Variants in MGAT4C observed in about 807,000 individuals in gnomAD.
The protein encoded by MGAT4C is MGAT4 family member C.
Under a neutral mutation model 40.1 loss-of-function variants are expected in MGAT4C, and 19 were observed. The ratio of observed to expected loss-of-function variants is 0.47; its 90% confidence interval spans 0.33 to 0.70. The LOEUF is 0.70. Among genes scored for constraint, MGAT4C ranks in the 30% least tolerant of loss-of-function variants. The probability of loss-of-function intolerance (pLI) is 0.02; values close to 1 mark genes in which losing one functional copy is unlikely to be tolerated. For missense variants in MGAT4C, 491 were observed against 563.2 expected, an observed-to-expected ratio of 0.87 and a Z score of 1.30; for synonymous variants, 181 against 187.1, an observed-to-expected ratio of 0.97 and a Z score of 0.27.
chr12:86,728,051 T>A (rs1271183839), intron 1 of MGAT4C, among the ~76,000 whole-genome samples: 1 of 152,204 alleles, frequency 6.6e-6, no homozygotes, highest in African/African-American at 2.4e-5. Flanking sequence ...TATTGATAAA[T>A]AAGTTTTATT....
Position 86,327,683 on chromosome 12 carries a change from T to A in MGAT4C, c.-57+6382A>T, listed in dbSNP as rs139173508. On this transcript the variant is annotated intron_variant, in intron 4 of 7. Transcript: ENST00000548651. ...TAATATATTTAAAGATACACAATGA[T>A]ATTGTTACCAAGAAGGAAATTCCAC... Among the ~76,000 whole-genome samples the A allele has an allele frequency of 5.3e-4, 80 of 152,224 alleles. No individual in the cohort carries two copies. In the East Asian group the frequency reaches 8.3e-3, roughly 16 times the overall value.
intron 1 of MGAT4C, among the ~76,000 whole-genome samples, chr12:86,135,815 G>T (rs187495992): frequency 3.3e-4 from 51 of 152,282 alleles, no homozygotes; most frequent in African/African-American, 1.2e-3. Flanking sequence ...ATGTTTTTCA[G>T]ATTAAGGTGA....
chr12:86,318,918 C>T (rs1954308965), intron 4 of MGAT4C, among the ~76,000 whole-genome samples: 1 of 152,096 alleles, frequency 6.6e-6, no homozygotes, highest in Admixed American at 6.6e-5. Flanking sequence ...GGTCTTATAC[C>T]TCAGTCATTA....
At chr12:86,731,342 A>G (rs181893872) in intron 1 of MGAT4C, among the ~76,000 whole-genome samples, 1 of 152,140 alleles carries the variant, frequency 6.6e-6, no homozygotes, top group East Asian at 1.9e-4. Flanking sequence ...AGCTTCTCTT[A>G]CTTCTTTCAC....
intron 1 of MGAT4C, among the ~76,000 whole-genome samples, chr12:86,081,810 C>T (rs953523994): frequency 3.3e-5 from 5 of 152,096 alleles, no homozygotes; most frequent in Admixed American, 1.3e-4. Context: ...AATATCCCCC[C>T]GTTGTCCTAA....
chr12:86,339,097 T>C (rs969722680), intron 3 of MGAT4C, among the ~76,000 whole-genome samples: 7 of 151,976 alleles, frequency 4.6e-5, no homozygotes, highest in African/African-American at 1.7e-4. Context: ...CCCTATGAAG[T>C]TGGTATTATT....
At chr12:86,452,153 C>T (rs1199015674) in intron 2 of MGAT4C, among the ~76,000 whole-genome samples, 1 of 151,684 alleles carries the variant, frequency 6.6e-6, no homozygotes, top group Non-Finnish European at 1.5e-5. Flanking sequence ...CTGGCATCCC[C>T]ACTGAAAGTG....
intron 3 of MGAT4C, among the ~76,000 whole-genome samples, chr12:86,403,579 A>G (rs1226067769): frequency 6.6e-6 from 1 of 152,182 alleles, no homozygotes; most frequent in Non-Finnish European, 1.5e-5. Context: ...TTACATTTAA[A>G]TTATATGCCT....
At chr12:86,220,001 T>C (rs560465219) in intron 1 of MGAT4C, among the ~76,000 whole-genome samples, 1 of 151,968 alleles carries the variant, frequency 6.6e-6, no homozygotes, top group Admixed American at 6.5e-5. Context: ...AGAGATTGGG[T>C]TTTTGGAATT....
At chr12:86,748,728 G>T (rs1165625286) in intron 1 of MGAT4C, among the ~76,000 whole-genome samples, 1 of 151,496 alleles carries the variant, frequency 6.6e-6, no homozygotes, top group Non-Finnish European at 1.5e-5. Flanking sequence ...TATAAGATGT[G>T]AATTTGACTA....
In MGAT4C at chr12:86,418,823, ATAAC is replaced by A. The variant is rs1387727281; in HGVS notation, c.-120+16330_-120+16333del. Among the ~76,000 whole-genome samples the A allele has an allele frequency of 7.9e-5, 12 of 152,200 alleles. No individual in the cohort carries two copies. In the East Asian group the frequency reaches 2.1e-3, roughly 27 times the overall value. ...AAAGAGTATTAAAGAAATTGCAAAT[ATAAC>A]TAGCTAGGGAAGGAAAGAAAATTGA... On this transcript the variant is annotated intron_variant, in intron 3 of 7. Coordinates refer to the MGAT4C transcript ENST00000548651.
Position 86,336,870 on chromosome 12 carries a change from T to G in MGAT4C, c.-119-2743A>C, listed in dbSNP as rs188692394. On this transcript the variant is annotated intron_variant, in intron 3 of 7. Coordinates refer to the MGAT4C transcript ENST00000548651. ...GTATGCGAGTTCACTTTTATTTTAA[T>G]CAATAGATTAATGAGCAAGACAATA... Among the ~76,000 whole-genome samples, 8 of 152,286 alleles carry G rather than the reference T, an allele frequency of 5.3e-5. No individual in the cohort carries two copies. In the East Asian group the frequency reaches 1.5e-3, roughly 29 times the overall value.
At chr12:86,393,772 G>T (rs963661249) in intron 3 of MGAT4C, among the ~76,000 whole-genome samples, 1 of 110,250 alleles carries the variant, frequency 9.1e-6, no homozygotes, top group African/African-American at 2.9e-5. Flanking sequence ...GTCTTTCATG[G>T]TGATTAGCCA....
At chr12:86,601,361 C>T (rs998785753) in intron 2 of MGAT4C, 1 of 152,146 alleles carries the variant, frequency 6.6e-6, no homozygotes, top group African/African-American at 2.4e-5. Context: ...CCCATGGCCA[C>T]CTGTAACCAA....
chr12:86,094,484 T>G (rs1873525020), intron 1 of MGAT4C, among the ~76,000 whole-genome samples: 1 of 152,120 alleles, frequency 6.6e-6, no homozygotes, highest in Admixed American at 6.6e-5. Flanking sequence ...TACATATGCC[T>G]TATACACTGC....
intron 2 of MGAT4C, among the ~76,000 whole-genome samples, chr12:86,005,863 C>G (rs1334015629): frequency 2.0e-5 from 3 of 152,020 alleles, no homozygotes; most frequent in African/African-American, 7.2e-5. Context: ...AAGAGAATAA[C>G]CTCATTTTGG....
In MGAT4C at chr12:86,363,108, CTTAA is replaced by C. The variant is rs1036191352; in HGVS notation, c.-119-28985_-119-28982del. On this transcript the variant is annotated intron_variant, in intron 3 of 7. Transcript: ENST00000548651. Reference sequence around the variant, plus strand: ...CAAATTCAAAACTATACCTATTTATCTTAATTAATAAAACAAGTACACAGAAAAT... The same window carrying C: ...CAAATTCAAAACTATACCTATTTATCTTAATAAAACAAGTACACAGAAAAT... Among the ~76,000 whole-genome samples the C allele has an allele frequency of 3.3e-5, 5 of 151,950 alleles. No homozygotes were observed. The South Asian group carries it at 6.2e-4, about 19-fold the overall frequency.
At chr12:86,397,781 G>A (rs1292353749) in intron 3 of MGAT4C, among the ~76,000 whole-genome samples, 1 of 152,096 alleles carries the variant, frequency 6.6e-6, no homozygotes, top group East Asian at 1.9e-4. Flanking sequence ...GGCAAAATAA[G>A]AGAAAGCCAT....
At chr12:86,054,503 A>G (rs1343482386) in intron 1 of MGAT4C, among the ~76,000 whole-genome samples, 1 of 152,018 alleles carries the variant, frequency 6.6e-6, no homozygotes, top group Non-Finnish European at 1.5e-5. Flanking sequence ...CAAGAGATCT[A>G]TTGTACAACA....
Sources: allele counts gnomAD v4.1 joint callset (sites outside exome capture counted in the v4.1 genomes callset), GRCh38; gene constraint gnomAD v4.1.1; transcripts MANE v1.5; gene names NCBI Gene and HGNC (gene_info 2026-07-23, HGNC 2026-07-21).